EXOC6: variants seen among roughly 807,000 people sequenced by gnomAD.
EXOC6 encodes the protein SEC15-like 1.
In EXOC6, 60 loss-of-function variants were observed where a neutral mutation model predicts 112.5. The observed-to-expected ratio is 0.53, with a 90% CI of 0.43 to 0.66. The LOEUF (loss-of-function observed/expected upper bound fraction) is 0.66, where lower values mean the gene tolerates loss of function less well. Among genes scored for constraint, EXOC6 ranks in the 30% least tolerant of loss-of-function variants. The pLI, the probability that EXOC6 is intolerant of heterozygous loss-of-function variation, is 0.00. For synonymous variants in EXOC6, 295 were observed against 308.0 expected, an observed-to-expected ratio of 0.96 and a Z score of 0.44; for missense variants, 855 against 957.1, an observed-to-expected ratio of 0.89 and a Z score of 1.41.
At chr10:92,896,177 ATATATTTT>A (rs1849802769) in intron 4 of EXOC6, among the ~76,000 whole-genome samples, 53 of 16,148 alleles carry the variant, frequency 3.3e-3, no homozygotes, top group East Asian at 9.3e-3. Flanking sequence ...ATATATATAT[ATATATTTT>A]TTTTTTTTTT....
At chr10:93,020,911 G>A (rs1844755092) in intron 20 of EXOC6, among the ~76,000 whole-genome samples, 1 of 150,806 alleles carries the variant, frequency 6.6e-6, no homozygotes, top group Admixed American at 6.6e-5. Flanking sequence ...CAAAGTACAG[G>A]ATAAAGTTGT....
chr10:92,893,317 T>C (rs754661026), intron 1 of EXOC6, 32 bp from the exon 2 acceptor site: 1 of 1,493,900 alleles, frequency 6.7e-7, no homozygotes, highest in South Asian at 1.4e-5. Context: ...TAATACATTT[T>C]GGTTAATTTT....
chr10:92,828,535 T>C (rs1304504480), intron 1 of EXOC6, among the ~76,000 whole-genome samples: 1 of 152,098 alleles, frequency 6.6e-6, no homozygotes, highest in Non-Finnish European at 1.5e-5. Context: ...GGTTTCACTA[T>C]GTTGGCCAGG....
At chr10:92,840,199 A>C (rs564492889) in intron 1 of EXOC6, among the ~76,000 whole-genome samples, 7 of 152,168 alleles carry the variant, frequency 4.6e-5, no homozygotes, top group African/African-American at 1.4e-4. Flanking sequence ...TAAGTAGTTA[A>C]ATTTAACTGT....
chr10:93,018,364 G>A (rs531538375), intron 20 of EXOC6, among the ~76,000 whole-genome samples: 5 of 152,042 alleles, frequency 3.3e-5, no homozygotes, highest in East Asian at 3.9e-4. Flanking sequence ...AAAAGTACAC[G>A]TACATAAGTT....
intron 8 of EXOC6, among the ~76,000 whole-genome samples, chr10:92,922,494 AT>A (rs1851502104): frequency 6.6e-6 from 1 of 152,242 alleles, no homozygotes; most frequent in Non-Finnish European, 1.5e-5. Context: ...AAAGGGTTAC[AT>A]TAATATGTAT....
chr10:93,018,010 C>CA (rs373643138), intron 20 of EXOC6, among the ~76,000 whole-genome samples: 10,159 of 91,334 alleles, frequency 0.11, 421 homozygotes, highest in South Asian at 0.2. Flanking sequence ...AACTCTGTCT[C>CA]AAAAAAAAAA....
chr10:92,858,498 C>A (rs190912719), intron 1 of EXOC6, among the ~76,000 whole-genome samples: 238 of 152,170 alleles, frequency 1.6e-3, no homozygotes, highest in African/African-American at 5.4e-3. Context: ...TGTATATTCA[C>A]TGATTCTTCC....
chr10:92,844,326 T>C (rs1806538013), upstream of EXOC6, among the ~76,000 whole-genome samples: 1 of 152,174 alleles, frequency 6.6e-6, no homozygotes, highest in South Asian at 2.1e-4. Flanking sequence ...TAGGAGCAGT[T>C]CCTGGAAATG....
intron 18 of EXOC6, chr10:92,987,526 C>T (rs1405263054): frequency 2.1e-6 from 1 of 477,438 alleles, no homozygotes; most frequent in African/African-American, 2.1e-5. Context: ...AGAGTATATT[C>T]CCTTTTGCTA....
intron 1 of EXOC6, among the ~76,000 whole-genome samples, chr10:92,852,869 T>A (rs1388774152): frequency 1.3e-5 from 2 of 152,154 alleles, no homozygotes; most frequent in African/African-American, 2.4e-5. Context: ...GGATATTCAT[T>A]CTCACCACTT....
At chr10:92,968,776 G>A (rs972662258) in intron 17 of EXOC6, among the ~76,000 whole-genome samples, 3 of 152,182 alleles carry the variant, frequency 2.0e-5, no homozygotes, top group Admixed American at 6.5e-5. Flanking sequence ...AAACAGCCCT[G>A]TGAGATGGGG....
chr10:92,958,764 A>G (rs572115991), intron 17 of EXOC6, among the ~76,000 whole-genome samples: 3 of 152,330 alleles, frequency 2.0e-5, no homozygotes, highest in African/African-American at 7.2e-5. Context: ...ACAAAGTTGG[A>G]GGACTGATAC....
intron 1 of EXOC6, among the ~76,000 whole-genome samples, chr10:92,891,711 A>C (rs1849511905): frequency 6.6e-6 from 1 of 152,102 alleles, no homozygotes; most frequent in Admixed American, 6.6e-5. Context: ...CAAACTCCTG[A>C]CCTCAAGTGA....
upstream of EXOC6, among the ~76,000 whole-genome samples, chr10:92,844,681 T>TA (rs200545863): frequency 5.5e-3 from 842 of 152,316 alleles, 5 homozygotes; most frequent in African/African-American, 0.017. Flanking sequence ...TCTGGCTTAC[T>TA]AGCAAATGCC....
In EXOC6 at chr10:93,058,208, C is replaced by A; in HGVS notation, c.2283-15C>A. ...TTTTCTTTTACCAAGCTTCTTCATT[C>A]ACATATGTTTCTAGGATGAAGGATA... On this transcript the variant is annotated splice_polypyrimidine_tract_variant and intron_variant, in intron 21 of 21. Transcript: ENST00000260762. 1.3e-6 allele frequency: 2 copies of A among 1,592,618 alleles called. No individual in the cohort carries two copies. The highest frequency in any genetic ancestry group is 2.3e-5 in the South Asian group (2 of 86,008).
intron 5 of EXOC6, 62 bp downstream of exon 5, chr10:92,899,706 A>G (rs1332715797): frequency 5.2e-6 from 6 of 1,164,308 alleles, no homozygotes; most frequent in South Asian, 1.3e-5. Flanking sequence ...GAAAGGACAG[A>G]TACATTTACT....
In EXOC6 at chr10:93,019,384, AC is replaced by A. The variant is rs1403737393; in HGVS notation, c.2169+5118del. The stretch of plus-strand genomic sequence containing the variant: ...TTTTCTTCTAAGCTATTCATAACTT[AC>A]AGCAATTAGTTAAAATATACTTATG... On this transcript the variant is annotated intron_variant, in intron 20 of 21. Coordinates refer to ENST00000260762, the MANE Select transcript of EXOC6 (RefSeq NM_019053.6). 3.3e-5 allele frequency among the ~76,000 whole-genome samples: 5 copies of A among 152,364 alleles called. No homozygotes were observed. In the East Asian group the frequency reaches 9.6e-4, roughly 29 times the overall value.
intron 1 of EXOC6, among the ~76,000 whole-genome samples, chr10:92,870,174 G>A (rs1245655414): frequency 1.3e-5 from 2 of 151,952 alleles, no homozygotes; most frequent in Admixed American, 6.6e-5. Context: ...GGTTGGTCTT[G>A]AACTCCTGAC....
Sources: allele counts gnomAD v4.1 joint callset (sites outside exome capture counted in the v4.1 genomes callset), GRCh38; gene constraint gnomAD v4.1.1; transcripts MANE v1.5; gene names NCBI Gene and HGNC (gene_info 2026-07-23, HGNC 2026-07-21).